KCNIP4: variants seen among roughly 807,000 people sequenced by gnomAD.
KCNIP4 encodes the protein potassium voltage-gated channel interacting protein 4, also known as Kv channel-interacting protein 4.
KCNIP4 carries 12 observed loss-of-function variants against 34.0 expected under a neutral mutation model. The ratio of observed to expected loss-of-function variants is 0.35; its 90% CI spans 0.23 to 0.57. The LOEUF (loss-of-function observed/expected upper bound fraction) is 0.57. KCNIP4 is among the 20% of genes least tolerant of loss of function. The pLI is 0.83. For missense variants in KCNIP4, 238 were observed against 311.7 expected, an observed-to-expected ratio of 0.76 and a Z score of 1.78; for synonymous variants, 124 against 102.2, an observed-to-expected ratio of 1.21 and a Z score of -1.29.
chr4:21,325,947 G>T (rs1437119568), intron 1 of KCNIP4, among the ~76,000 whole-genome samples: 1 of 151,722 alleles, frequency 6.6e-6, no homozygotes, highest in Non-Finnish European at 1.5e-5. Flanking sequence ...TTATTCTATT[G>T]TGGTCAAAGA....
chr4:20,857,653 T>G (rs1319087227), intron 2 of KCNIP4, among the ~76,000 whole-genome samples: 1 of 146,658 alleles, frequency 6.8e-6, no homozygotes, highest in African/African-American at 2.6e-5. Flanking sequence ...ATGCCACAGC[T>G]TATGTTCTTC....
At chr4:21,661,584 T>C (rs1560603328) in intron 1 of KCNIP4, among the ~76,000 whole-genome samples, 1 of 152,150 alleles carries the variant, frequency 6.6e-6, no homozygotes, top group Non-Finnish European at 1.5e-5. Flanking sequence ...GCAATCCAGT[T>C]CTCAGAGGTA....
chr4:21,660,565 G>A (rs1468573826), intron 1 of KCNIP4, among the ~76,000 whole-genome samples: 1 of 152,132 alleles, frequency 6.6e-6, no homozygotes, highest in Non-Finnish European at 1.5e-5. Flanking sequence ...GCAGCTCAGG[G>A]GAATTTCAAT....
intron 1 of KCNIP4, among the ~76,000 whole-genome samples, chr4:21,083,228 C>T (rs907890354): frequency 7.9e-5 from 12 of 151,664 alleles, no homozygotes; most frequent in Admixed American, 2.0e-4. Flanking sequence ...GATTCCTATT[C>T]TTGCTTCTGG....
intron 1 of KCNIP4, among the ~76,000 whole-genome samples, chr4:21,909,707 T>G (rs1728193733): frequency 6.6e-6 from 1 of 152,010 alleles, no homozygotes; most frequent in African/African-American, 2.4e-5. Flanking sequence ...CTGGGTAACT[T>G]ATAAAGAAAA....
intron 1 of KCNIP4, among the ~76,000 whole-genome samples, chr4:21,049,212 A>C (rs1646296133): frequency 6.6e-6 from 1 of 151,890 alleles, no homozygotes; most frequent in Admixed American, 6.6e-5. Context: ...GGCCTCCCAA[A>C]GTGCTGGGAT....
intron 1 of KCNIP4, among the ~76,000 whole-genome samples, chr4:21,499,475 T>C (rs1733132267): frequency 6.6e-6 from 1 of 152,154 alleles, no homozygotes; most frequent in Non-Finnish European, 1.5e-5. Context: ...GCATAAATGC[T>C]GATTTGTTTT....
intron 1 of KCNIP4, among the ~76,000 whole-genome samples, chr4:21,073,645 T>C (rs1281284444): frequency 1.3e-5 from 2 of 152,302 alleles, no homozygotes; most frequent in Admixed American, 6.5e-5. Flanking sequence ...TCCTGCCTGA[T>C]TGCCCTGCCC....
chr4:20,799,118 G>A (rs964298970), intron 3 of KCNIP4, among the ~76,000 whole-genome samples: 1 of 152,160 alleles, frequency 6.6e-6, no homozygotes, highest in Non-Finnish European at 1.5e-5. Context: ...AGCTGCTACT[G>A]TGCCCTACTC....
At position 21,049,393 on chromosome 4, in the gene KCNIP4, A is replaced by C. The variant is rs1004347871; in HGVS notation, c.62-166684T>G. Reference sequence around the variant, plus strand: ...GCCCGTAAGTTTTGGTGTGGTCTTTAATATTATGCAGCAATAGATAATTGG... The same window carrying C: ...GCCCGTAAGTTTTGGTGTGGTCTTTCATATTATGCAGCAATAGATAATTGG... On this transcript the variant is annotated intron_variant, in intron 1 of 8. Transcript: ENST00000382152. 2.8e-4 allele frequency among the ~76,000 whole-genome samples: 43 copies of C among 152,314 alleles called. 1 individual carries two copies. The highest frequency in any genetic ancestry group is 9.9e-4 in the African/African-American group (41 of 41,576).
At chr4:21,896,789 C>T (rs768795178) in intron 1 of KCNIP4, among the ~76,000 whole-genome samples, 28 of 151,962 alleles carry the variant, frequency 1.8e-4, no homozygotes, top group Non-Finnish European at 3.5e-4. Flanking sequence ...TGTGGTGGCT[C>T]ACACCTGTAA....
intron 1 of KCNIP4, among the ~76,000 whole-genome samples, chr4:20,992,501 T>C (rs185854826): frequency 1.6e-3 from 242 of 152,268 alleles, no homozygotes; most frequent in African/African-American, 5.5e-3. Context: ...ATCAAGATTA[T>C]ATGGAAAGAA....
chr4:20,845,893 C>T (rs1169913277), intron 3 of KCNIP4, among the ~76,000 whole-genome samples: 2 of 152,130 alleles, frequency 1.3e-5, no homozygotes, highest in African/African-American at 2.4e-5. Context: ...AGAAATGCAG[C>T]CCAATCATGA....
intron 1 of KCNIP4, among the ~76,000 whole-genome samples, chr4:21,935,024 C>T (rs1352300840): frequency 6.6e-6 from 1 of 151,998 alleles, no homozygotes. Context: ...TGAATAATAT[C>T]CTCCCATCAC....
chr4:21,015,486 A>G (rs1739422050), intron 1 of KCNIP4, among the ~76,000 whole-genome samples: 1 of 140,698 alleles, frequency 7.1e-6, no homozygotes, highest in South Asian at 2.1e-4. Context: ...TATATATTAT[A>G]TATAACACAT....
intron 1 of KCNIP4, among the ~76,000 whole-genome samples, chr4:21,866,615 A>G (rs908670934): frequency 3.3e-5 from 5 of 152,212 alleles, no homozygotes; most frequent in Non-Finnish European, 5.9e-5. Flanking sequence ...GGTATAAAGT[A>G]TGCTGTCCTT....
chr4:21,229,564 A>G (rs1046732007), intron 1 of KCNIP4, among the ~76,000 whole-genome samples: 2 of 152,136 alleles, frequency 1.3e-5, no homozygotes, highest in African/African-American at 4.8e-5. Context: ...CTTATCATCT[A>G]TTGGGAGAAA....
intron 1 of KCNIP4, among the ~76,000 whole-genome samples, chr4:21,815,149 C>T (rs1034707277): frequency 6.6e-5 from 10 of 152,164 alleles, no homozygotes; most frequent in African/African-American, 2.2e-4. Flanking sequence ...CTAAAACCAT[C>T]TGCCTGGATG....
intron 1 of KCNIP4, among the ~76,000 whole-genome samples, chr4:21,004,252 G>C (rs1305165584): frequency 6.6e-6 from 1 of 152,140 alleles, no homozygotes; most frequent in African/African-American, 2.4e-5. Flanking sequence ...AAGTAGAAGA[G>C]GAAGACTCAA....
Sources: allele counts gnomAD v4.1 joint callset (sites outside exome capture counted in the v4.1 genomes callset), GRCh38; gene constraint gnomAD v4.1.1; transcripts MANE v1.5; gene names NCBI Gene and HGNC (gene_info 2026-07-23, HGNC 2026-07-21).